Variants in PBRM1 observed in about 807,000 individuals in gnomAD.
The protein encoded by PBRM1 is polybromo 1.
In PBRM1, 27 loss-of-function variants were observed where a neutral mutation model predicts 194.5. The ratio of observed to expected loss-of-function variants is 0.14; its 90% confidence interval spans 0.10 to 0.19. The LOEUF is 0.19. PBRM1 is among the 10% of genes least tolerant of loss of function. The pLI is 1.00. For synonymous variants in PBRM1, 655 were observed against 693.2 expected, an observed-to-expected ratio of 0.94 and a Z score of 0.87; for missense variants, 1,466 against 2,077.2, an observed-to-expected ratio of 0.71 and a Z score of 5.72.
chr3:52,657,415 T>C (rs944556018), intron 5 of PBRM1, among the ~76,000 whole-genome samples: 1 of 152,112 alleles, frequency 6.6e-6, no homozygotes, highest in African/African-American at 2.4e-5. Flanking sequence ...TGATAGACCG[T>C]ATACATTTTG....
At chr3:52,644,847 C>T (rs2153733585) in intron 7 of PBRM1, 58 bp from the exon 9 acceptor site, 1 of 792,648 alleles carries the variant, frequency 1.3e-6, no homozygotes, top group Non-Finnish European at 2.1e-6. Flanking sequence ...CAGCTTAATG[C>T]CCCCAACTCA....
At chr3:52,683,118 G>A (rs1443452603), upstream of PBRM1, among the ~76,000 whole-genome samples, 1 of 151,912 alleles carries the variant, frequency 6.6e-6, no homozygotes, top group Non-Finnish European at 1.5e-5. Context: ...CAGGAGAATC[G>A]CTTGAACCCG....
At chr3:52,554,877 T>C (rs2081899600) in exon 27 of PBRM1, 1 of 1,607,290 alleles carries the variant, frequency 6.2e-7, no homozygotes, top group African/African-American at 1.3e-5. Flanking sequence ...CCACCCATCA[T>C]GCCTTGAAGG....
At chr3:52,581,557 C>G (rs958073663) in intron 20 of PBRM1, among the ~76,000 whole-genome samples, 2 of 150,448 alleles carry the variant, frequency 1.3e-5, no homozygotes, top group Non-Finnish European at 3.0e-5. Context: ...CAAGGGACAT[C>G]TGAAAGAATG....
intron 10 of PBRM1, 46 bp from the exon 12 acceptor site, chr3:52,634,861 G>T: frequency 7.9e-7 from 1 of 1,270,682 alleles, no homozygotes; most frequent in Non-Finnish European, 1.1e-6. Context: ...ATGAGATGAA[G>T]AAAGAACCAT....
At chr3:52,670,554 T>C (rs1239141750) in intron 2 of PBRM1, among the ~76,000 whole-genome samples, 4 of 152,240 alleles carry the variant, frequency 2.6e-5, no homozygotes, top group South Asian at 4.1e-4. Flanking sequence ...GTCTGGCATA[T>C]GGCTGCAAAA....
At chr3:52,664,059 CAA>C (rs748042916) in intron 3 of PBRM1, among the ~76,000 whole-genome samples, 15 of 92,822 alleles carry the variant, frequency 1.6e-4, no homozygotes, top group East Asian at 3.1e-4. Flanking sequence ...GACTCCGTCT[CAA>C]AAAAAAAAAA....
At chr3:52,615,254 CA>C in intron 15 of PBRM1, 96 bp downstream of exon 17, 1 of 698,704 alleles carries the variant, frequency 1.4e-6, no homozygotes, top group Non-Finnish European at 2.5e-6. Flanking sequence ...ACAGTGAGTT[CA>C]AATATATTCA....
At chr3:52,647,455 A>AC (rs2096344554) in intron 7 of PBRM1, among the ~76,000 whole-genome samples, 1 of 51,788 alleles carries the variant, frequency 1.9e-5, no homozygotes, top group Non-Finnish European at 3.5e-5. Flanking sequence ...AAAAAAAAAA[A>AC]AAATATATAT....
intron 23 of PBRM1, 85 bp from the exon 26 acceptor site, chr3:52,563,578 G>T: frequency 1.1e-6 from 1 of 893,810 alleles, no homozygotes. Context: ...TTAACAACTA[G>T]AAGTGACTTC....
intron 22 of PBRM1, among the ~76,000 whole-genome samples, chr3:52,568,032 G>A (rs936358425): frequency 4.0e-5 from 6 of 151,828 alleles, no homozygotes; most frequent in African/African-American, 1.2e-4. Context: ...AGGTTGGAGC[G>A]CAGTGGTGCG....
chr3:52,634,461 ATGAACAG>A, intron 11 of PBRM1, 134 bp downstream of exon 12: 1 of 593,096 alleles, frequency 1.7e-6, no homozygotes, highest in Non-Finnish European at 2.9e-6. Context: ...AAAAAAGGTA[ATGAACAG>A]TTAAAATTTG....
intron 7 of PBRM1, among the ~76,000 whole-genome samples, chr3:52,647,939 CAG>C (rs1361924873): frequency 4.6e-5 from 7 of 150,752 alleles, no homozygotes; most frequent in Non-Finnish European, 8.8e-5. Flanking sequence ...CTTTTTGAGA[CAG>C]AGTCTTGCAC....
chr3:52,623,908 T>C (rs2095360453), intron 13 of PBRM1, among the ~76,000 whole-genome samples: 1 of 152,210 alleles, frequency 6.6e-6, no homozygotes, highest in African/African-American at 2.4e-5. Context: ...TATGAAAGAA[T>C]ACAATCCATG....
intron 17 of PBRM1, among the ~76,000 whole-genome samples, chr3:52,596,147 T>C (rs1321392225): frequency 6.6e-6 from 1 of 152,014 alleles, no homozygotes; most frequent in East Asian, 1.9e-4. Flanking sequence ...CCATATAAAT[T>C]GTAGGATTGT....
exon 22 of PBRM1, chr3:52,576,665 T>C (rs2153660930): frequency 1.2e-6 from 2 of 1,610,560 alleles, no homozygotes; most frequent in Non-Finnish European, 1.7e-6. Flanking sequence ...CATAAAAATA[T>C]GCAGCTCCAT....
At chr3:52,636,695 T>C (rs1286316168) in intron 10 of PBRM1, among the ~76,000 whole-genome samples, 1 of 135,552 alleles carries the variant, frequency 7.4e-6, no homozygotes, top group Non-Finnish European at 1.5e-5. Context: ...AGGCGGAGAT[T>C]GTAGTAAGCA....
At chr3:52,597,454 AATTG>A (rs1187477880) in intron 17 of PBRM1, among the ~76,000 whole-genome samples, 1 of 152,204 alleles carries the variant, frequency 6.6e-6, no homozygotes, top group East Asian at 1.9e-4. Flanking sequence ...GTTATCTAGC[AATTG>A]ATTAATCAAG....
chr3:52,682,608 G>A (rs2097223125), upstream of PBRM1, among the ~76,000 whole-genome samples: 1 of 152,174 alleles, frequency 6.6e-6, no homozygotes, highest in Non-Finnish European at 1.5e-5. Context: ...ATTTTAAAAT[G>A]TATTTTGAAA....
Sources: allele counts gnomAD v4.1 joint callset (sites outside exome capture counted in the v4.1 genomes callset), GRCh38; gene constraint gnomAD v4.1.1; transcripts MANE v1.5; gene names NCBI Gene and HGNC (gene_info 2026-07-23, HGNC 2026-07-21).